XIRP2: variants seen among roughly 807,000 people sequenced by gnomAD.
XIRP2 encodes xin actin binding repeat containing 2, also known as xin actin-binding repeat-containing protein 2.
In XIRP2, 236 loss-of-function variants were observed where a neutral mutation model predicts 277.0. That is an observed-to-expected ratio of 0.85 (90% CI 0.77 to 0.95). The LOEUF (loss-of-function observed/expected upper bound fraction) is 0.95, where lower values mean the gene tolerates loss of function less well. Ranked by LOEUF, XIRP2 falls within the 40% of genes least tolerant of loss-of-function variation. XIRP2 has a pLI of 0.00. For synonymous variants in XIRP2, 1,490 were observed against 1,416.5 expected, an observed-to-expected ratio of 1.05 and a Z score of -1.17; for missense variants, 4,640 against 4,157.5, an observed-to-expected ratio of 1.12 and a Z score of -3.19.
At chr2:166,958,297 G>C (rs1199026149) in intron 2 of XIRP2, among the ~76,000 whole-genome samples, 1 of 151,886 alleles carries the variant, frequency 6.6e-6, no homozygotes, top group Admixed American at 6.6e-5. Flanking sequence ...TGTTTCAGAT[G>C]ACTCAATTGC....
chr2:167,134,482 A>G (rs1380450790), intron 2 of XIRP2, among the ~76,000 whole-genome samples: 1 of 152,034 alleles, frequency 6.6e-6, no homozygotes, highest in Non-Finnish European at 1.5e-5. Context: ...CTGTCTCTCA[A>G]ACTTGACTCA....
Position 167,251,093 on chromosome 2 carries a change from C to T in XIRP2, c.9701C>T (p.Ser3234Phe). ...QIKIETRGRD[S>F]PPTITIPVNI... ...AAGATAGAAACTCGTGGTAGGGACT[C>T]TCCACCTACAATCACAATACCAGTA... is the stretch of plus-strand genomic sequence containing the variant. Residue 3234 changes from serine to phenylalanine, a missense_variant, in exon 9 of 11, where the codon TCT becomes TTT. Transcript: ENST00000409195. 1 of 1,613,612 alleles carries T rather than the reference C, an allele frequency of 6.2e-7. No individual in the cohort carries two copies. The highest frequency in any genetic ancestry group is 8.5e-7 in the Non-Finnish European group (1 of 1,179,744).
intron 2 of XIRP2, among the ~76,000 whole-genome samples, chr2:167,098,353 G>T (rs1407049541): frequency 1.3e-5 from 2 of 152,036 alleles, no homozygotes; most frequent in Admixed American, 1.3e-4. Flanking sequence ...ATTGATTCTT[G>T]TGTATACTTC....
rs553287796 is a variant in XIRP2 at position 166,997,093 on chromosome 2, G to A, written c.408+93203G>A. On this transcript the variant is annotated intron_variant, in intron 2 of 10. Transcript: ENST00000409195. ...GACGTCTACTGGACCTAAATGTAAG[G>A]TCATACCTACATTTGGTATGATCAT... 2.6e-5 allele frequency among the ~76,000 whole-genome samples: 4 copies of A among 152,224 alleles called. No homozygotes were observed. In the South Asian group the frequency reaches 8.3e-4, roughly 32 times the overall value.
rs931406242 is a variant in XIRP2, at chr2:167,249,531, C to A, written c.8139C>A (p.Ile2713=). The change falls in exon 9 of 11, where the codon ATC becomes ATA. Residue 2713 remains isoleucine (I), a synonymous_variant. Coordinates refer to ENST00000409195, the MANE Select transcript of XIRP2 (RefSeq NM_152381.6). Reference sequence around the variant, plus strand: ...CCCCAAATTTCAAAGTTAAAACCATCAAACTTCCAACTCTAGATCATACAT... The same window carrying A: ...CCCCAAATTTCAAAGTTAAAACCATAAAACTTCCAACTCTAGATCATACAT... The part of the protein sequence containing the change: ...PISPNFKVKT[I]KLPTLDHTLN... 6.2e-7 allele frequency: 1 copy of A among 1,613,712 alleles called. No homozygotes were observed. Among genetic ancestry groups the A allele is most frequent in the Non-Finnish European group, 8.5e-7 (1 of 1,179,808 alleles).
intron 2 of XIRP2, among the ~76,000 whole-genome samples, chr2:167,119,744 G>A (rs1217592292): frequency 6.6e-6 from 1 of 152,180 alleles, no homozygotes; most frequent in Admixed American, 6.5e-5. Flanking sequence ...TCAGAATTCA[G>A]AAGATTGTAA....
chr2:166,946,907 A>G (rs1441861770), intron 2 of XIRP2, among the ~76,000 whole-genome samples: 4 of 152,140 alleles, frequency 2.6e-5, no homozygotes, highest in South Asian at 2.1e-4. Flanking sequence ...TTGGATCTCT[A>G]TGGGCAAATA....
At chr2:167,005,422 A>G (rs1225975075) in intron 2 of XIRP2, among the ~76,000 whole-genome samples, 2 of 151,930 alleles carry the variant, frequency 1.3e-5, no homozygotes, top group African/African-American at 4.8e-5. Context: ...CAACATGTAC[A>G]GATGAAGAAA....
chr2:167,237,347 A>G (rs576140089), intron 5 of XIRP2, among the ~76,000 whole-genome samples: 1 of 152,230 alleles, frequency 6.6e-6, no homozygotes, highest in South Asian at 2.1e-4. Context: ...CTCAACACAG[A>G]GATTTATGTC....
chr2:166,966,980 G>A (rs1362373375), intron 2 of XIRP2, among the ~76,000 whole-genome samples: 1 of 151,884 alleles, frequency 6.6e-6, no homozygotes, highest in African/African-American at 2.4e-5. Context: ...AACATCCTCA[G>A]GAGATTTGTA....
At chr2:167,168,867 G>T (rs920791833) in intron 3 of XIRP2, among the ~76,000 whole-genome samples, 2 of 152,122 alleles carry the variant, frequency 1.3e-5, no homozygotes, top group Non-Finnish European at 2.9e-5. Context: ...GCCTGCCTCA[G>T]CCTCCCAAAG....
chr2:167,064,638 A>G (rs967659990), intron 2 of XIRP2, among the ~76,000 whole-genome samples: 1 of 151,864 alleles, frequency 6.6e-6, no homozygotes, highest in East Asian at 1.9e-4. Flanking sequence ...TGAAATTTCT[A>G]TACTCATTAA....
At chr2:166,922,486 C>T (rs1166395556) in intron 2 of XIRP2, among the ~76,000 whole-genome samples, 1 of 151,892 alleles carries the variant, frequency 6.6e-6, no homozygotes, top group East Asian at 1.9e-4. Flanking sequence ...CCTTTATGTA[C>T]GAACTACTTA....
intron 2 of XIRP2, among the ~76,000 whole-genome samples, chr2:167,000,202 T>G (rs527523057): frequency 2.6e-5 from 4 of 152,306 alleles, no homozygotes; most frequent in African/African-American, 7.2e-5. Flanking sequence ...AGTATTCCTC[T>G]TGTGCCTTAG....
intron 1 of XIRP2, among the ~76,000 whole-genome samples, chr2:166,901,582 C>T (rs970092108): frequency 1.1e-4 from 16 of 152,148 alleles, no homozygotes; most frequent in East Asian, 7.8e-4. Context: ...CAAAACAATT[C>T]TTTCATTAAA....
intron 2 of XIRP2, among the ~76,000 whole-genome samples, chr2:166,904,765 C>G (rs1176384908): frequency 6.6e-6 from 1 of 151,968 alleles, no homozygotes; most frequent in Non-Finnish European, 1.5e-5. Context: ...AAAGTCCACG[C>G]TTTTTTGTTT....
At chr2:167,017,893 A>C (rs1199288051) in intron 2 of XIRP2, among the ~76,000 whole-genome samples, 1 of 151,928 alleles carries the variant, frequency 6.6e-6, no homozygotes, top group African/African-American at 2.4e-5. Flanking sequence ...TCCCAACCAG[A>C]TCCATGACCT....
At position 167,052,640 on chromosome 2, in the gene XIRP2, A is replaced by AG. The variant is rs368296932; in HGVS notation, c.409-83267dup. The stretch of plus-strand genomic sequence containing the variant: ...GATGATTTATTTACTTAAGGATAGC[A>AG]GGTCCAGATAGATTATAATAAATTT... On this transcript the variant is annotated intron_variant, in intron 2 of 10. Transcript: ENST00000409195. Among the ~76,000 whole-genome samples the AG allele has an allele frequency of 1.1e-3, 164 of 152,320 alleles. 1 individual carries two copies. Among genetic ancestry groups the AG allele is most frequent in the African/African-American group, 3.8e-3 (156 of 41,586 alleles).
chr2:167,109,312 C>T (rs1421025812), intron 2 of XIRP2, among the ~76,000 whole-genome samples: 1 of 152,232 alleles, frequency 6.6e-6, no homozygotes, highest in Non-Finnish European at 1.5e-5. Flanking sequence ...TGGAGTCTCA[C>T]TCTTGTCACC....
Sources: gnomAD v4.1 joint callset for allele counts (sites outside exome capture counted in the v4.1 genomes callset) on GRCh38, gnomAD v4.1.1 for gene constraint, MANE v1.5 for transcripts, NCBI Gene and HGNC (gene_info 2026-07-23, HGNC 2026-07-21) for gene names.